The following RNF103 variants were observed in gnomAD, a reference collection of about 807,000 sequenced individuals.
RNF103 encodes ring finger protein 103.
RNF103 carries 23 observed loss-of-function variants against 66.2 expected under a neutral mutation model. The observed-to-expected ratio is 0.35, with a 90% CI of 0.25 to 0.49. The LOEUF (loss-of-function observed/expected upper bound fraction) is 0.49, where lower values mean the gene tolerates loss of function less well. Ranked by LOEUF, RNF103 falls within the 20% of genes least tolerant of loss-of-function variation. The pLI is 0.98. For missense variants in RNF103, 730 were observed against 814.7 expected (o/e 0.90, Z 1.27); for synonymous variants, 297 against 289.9 (o/e 1.02, Z -0.25).
At chr2:86,612,035 C>G in intron 3 of RNF103, 124 bp downstream of exon 3, 1 of 563,688 alleles carries the variant, frequency 1.8e-6, no homozygotes. Context: ...ACCTATGTAA[C>G]TAAGAGTGTG....
chr2:86,605,518 T>A, intron 3 of RNF103, 100 bp from the exon 4 acceptor site: 1 of 1,268,308 alleles, frequency 7.9e-7, no homozygotes, highest in Non-Finnish European at 1.1e-6. Context: ...AGCCAAATAA[T>A]TTCCAAATAA....
Position 86,623,225 on chromosome 2 carries a change from G to A in RNF103, c.-339C>T. On this transcript the variant is annotated 5_prime_UTR_variant, in exon 1 of 4. Coordinates refer to ENST00000237455, the MANE Select transcript of RNF103 (RefSeq NM_005667.4). ...AGCTCGCGGGGAAGAACAAAACGAGGGACGCTTCCCCCGGGGCGGGCACTG... is the reference window on the plus strand; with the variant it reads ...AGCTCGCGGGGAAGAACAAAACGAGAGACGCTTCCCCCGGGGCGGGCACTG... 2 of 1,013,262 alleles carry A rather than the reference G, an allele frequency of 2.0e-6. No individual in the cohort carries two copies. Among genetic ancestry groups the A allele is most frequent in the Non-Finnish European group, 2.4e-6 (2 of 849,896 alleles). The allele number at this position is 1,013,262 out of a possible 1,614,324, so 62.8% of individuals were successfully genotyped here. A position where few individuals can be genotyped will look rare whatever the true frequency, so the allele number is the denominator to read the frequency against.
Position 86,609,384 on chromosome 2 carries a change from A to ATTT in RNF103, c.482+2772_482+2774dup, listed in dbSNP as rs112431636. On this transcript the variant is annotated intron_variant, in intron 3 of 3. Transcript: ENST00000237455. ...CTTCATAAATTACTCAGCCTCAGGT[A>ATTT]TTTTTTTTTTTTTTTTTTGAGACAG... Among the ~76,000 whole-genome samples, 861 of 134,410 alleles carry ATTT rather than the reference A, an allele frequency of 6.4e-3. 28 individuals are homozygous for ATTT. Among genetic ancestry groups the ATTT allele is most frequent in the African/African-American group, 0.023 (827 of 35,594 alleles). The allele number at this position is 134,410 out of a possible 152,430, so 88.2% of individuals were successfully genotyped here. A position where few individuals can be genotyped will look rare whatever the true frequency, so the allele number is the denominator to read the frequency against.
Position 86,604,618 on chromosome 2 carries a change from C to A in RNF103, c.1283G>T (p.Gly428Val). 6.2e-7 allele frequency: 1 copy of A among 1,614,140 alleles called. No homozygotes were observed. Among genetic ancestry groups the A allele is most frequent in the Non-Finnish European group, 8.5e-7 (1 of 1,180,038 alleles). ...ALFLSTYLGH[G>V]LLIDYFEKKR... ...CTTCTCAAAGTAATCAATTAGTAAACCATGACCAAGGTATGTACTGAGAAA... is the reference window on the plus strand; with the variant it reads ...CTTCTCAAAGTAATCAATTAGTAAAACATGACCAAGGTATGTACTGAGAAA... Residue 428 changes from glycine to valine, a missense_variant, in exon 4 of 4, where the codon GGT (glycine) becomes GTT (valine). Gly to Val is a moderately radical substitution (Grantham distance 109, BLOSUM62 -3). Transcript: ENST00000237455.
At chr2:86,615,933 T>G (rs1679001531) in intron 2 of RNF103, among the ~76,000 whole-genome samples, 1 of 152,198 alleles carries the variant, frequency 6.6e-6, no homozygotes, top group African/African-American at 2.4e-5. Flanking sequence ...CAATTTCAGC[T>G]TCTTACAGTT....
At chr2:86,617,282 A>T in intron 2 of RNF103, 1 of 985,470 alleles carries the variant, frequency 1.0e-6, no homozygotes, top group Non-Finnish European at 1.2e-6. Flanking sequence ...TAGACTTAAA[A>T]CAAATGACAG....
intron 2 of RNF103, chr2:86,615,176 G>A (rs1268905335): frequency 1.2e-5 from 12 of 985,260 alleles, no homozygotes; most frequent in Non-Finnish European, 1.4e-5. Context: ...ACAAGACAAT[G>A]TTCAATGCCA....
At chr2:86,611,356 G>A (rs186248037) in intron 3 of RNF103, among the ~76,000 whole-genome samples, 198 of 152,218 alleles carry the variant, frequency 1.3e-3, no homozygotes, top group African/African-American at 4.6e-3. Flanking sequence ...CAAAACAAGG[G>A]TTCTAAGCAG....
intron 3 of RNF103, among the ~76,000 whole-genome samples, chr2:86,606,859 T>G (rs956581153): frequency 1.3e-5 from 2 of 151,908 alleles, no homozygotes; most frequent in Non-Finnish European, 2.9e-5. Flanking sequence ...TTCATTGCAG[T>G]CTTGAACTCC....
Position 86,604,891 on chromosome 2 carries a change from A to G in RNF103, c.1010T>C (p.Met337Thr), listed in dbSNP as rs1297103903. ...TGTAATAAATAAGTCCATCCAAGCC[A>G]TAAGATTAACTAGAACCAAGCTCAA... Reference protein sequence around the residue: ...FVLSLVLVNLMAWMDLFITQG... With the variant: ...FVLSLVLVNLTAWMDLFITQG... Residue 337 changes from methionine (M) to threonine (T), a missense_variant, in exon 4 of 4, where the codon ATG becomes ACG. Transcript: ENST00000237455. 9 of 1,614,166 alleles carry G rather than the reference A, an allele frequency of 5.6e-6. No homozygotes were observed. The highest frequency in any genetic ancestry group is 2.2e-5 in the East Asian group (1 of 44,876).
rs1413185884 is a variant in RNF103, at chr2:86,622,940, G to A, written c.-54C>T. The A allele has an allele frequency of 1.3e-6, 2 of 1,519,234 alleles. No homozygotes were observed. Among genetic ancestry groups the A allele is most frequent in the Non-Finnish European group, 1.8e-6 (2 of 1,131,234 alleles). The allele number at this position is 1,519,234 out of a possible 1,614,324, so 94.1% of individuals were successfully genotyped here. A position where few individuals can be genotyped will look rare whatever the true frequency, so the allele number is the denominator to read the frequency against. ...GAGCTCGGAATACGGGAGAGAGAAG[G>A]GTCGAGGGCGGGGGCCGCGGCTCGG... is the stretch of plus-strand genomic sequence containing the variant. On this transcript the variant is annotated 5_prime_UTR_variant, in exon 1 of 4. Coordinates refer to ENST00000237455, the MANE Select transcript of RNF103 (RefSeq NM_005667.4).
chr2:86,603,866 A>G lies in RNF103; in HGVS notation c.2035T>C (p.Leu679=), dbSNP rs1300794353. The part of the protein sequence containing the change: ...KKQPYAQHQP[L]SNDVPS Reference sequence around the variant, plus strand: ...GGTTAAGATGGGACATCATTTGACAAGGGCTGGTGTTGTGCATATGGCTGC... The same window carrying G: ...GGTTAAGATGGGACATCATTTGACAGGGGCTGGTGTTGTGCATATGGCTGC... Residue 679 remains leucine (L), a synonymous_variant, in exon 4 of 4, where the codon TTG becomes CTG. Transcript: ENST00000237455. 1.2e-6 allele frequency: 2 copies of G among 1,612,126 alleles called. No individual in the cohort carries two copies. The highest frequency in any genetic ancestry group is 2.7e-5 in the African/African-American group (2 of 74,782).
At position 86,605,149 on chromosome 2, in the gene RNF103, G is replaced by A; in HGVS notation, c.752C>T (p.Ser251Phe). The A allele has an allele frequency of 6.2e-7, 1 of 1,613,766 alleles. No homozygotes were observed. ...ANLDQPPAFF[S>F]ALSIKFTGRV... ...TCCAGTAAACTTTATACTTAGTGCA[G>A]AGAAGAAAGCTGGGGGCTGGTCAAG... Residue 251 changes from serine to phenylalanine, a missense_variant, in exon 4 of 4, where the codon TCT becomes TTT. This residue lies in a region of RNF103 where 327 missense variants were observed against 369.8 expected (regional missense o/e 0.88). Coordinates refer to ENST00000237455, the MANE Select transcript of RNF103 (RefSeq NM_005667.4).
In RNF103 at chr2:86,604,468, A is replaced by G; in HGVS notation, c.1433T>C (p.Val478Ala). ...HPIASFQNFP[V>A]ESDWDEDPDL... ...AGGGTCTTCGTCCCAATCAGATTCTACAGGAAAGTTCTGAAAAGAAGCAAT... is the reference window on the plus strand; with the variant it reads ...AGGGTCTTCGTCCCAATCAGATTCTGCAGGAAAGTTCTGAAAAGAAGCAAT... The change falls in exon 4 of 4, where the codon GTA (valine) becomes GCA (alanine). Residue 478 changes from valine to alanine, a missense_variant. Transcript: ENST00000237455. 6.2e-7 allele frequency: 1 copy of G among 1,614,262 alleles called. No individual in the cohort carries two copies. Among genetic ancestry groups the G allele is most frequent in the East Asian group, 2.2e-5 (1 of 44,884 alleles).
chr2:86,606,482 G>A (rs1678556404), intron 3 of RNF103, among the ~76,000 whole-genome samples: 1 of 151,974 alleles, frequency 6.6e-6, no homozygotes, highest in African/African-American at 2.4e-5. Context: ...GGCCAACATG[G>A]TGAAACCCCA....
chr2:86,618,257 CTTAT>C, intron 2 of RNF103: 1 of 215,624 alleles, frequency 4.6e-6, no homozygotes, highest in Non-Finnish European at 9.8e-6. Context: ...CCTTAATCTG[CTTAT>C]TTTTCTTCTT....
Position 86,603,413 on chromosome 2 carries a change from AATTT to A in RNF103, c.*426_*429del, listed in dbSNP as rs1247777207. Reference sequence around the variant, plus strand: ...ATCTGTAATCTTCTGGTTTTAAAATAATTTATTTCATAGGTCTGTTTTAATTTCA... The same window carrying A: ...ATCTGTAATCTTCTGGTTTTAAAATAATTTCATAGGTCTGTTTTAATTTCA... On this transcript the variant is annotated 3_prime_UTR_variant, in exon 4 of 4. Transcript: ENST00000237455. 6.4e-6 allele frequency: 1 copy of A among 156,834 alleles called. No individual in the cohort carries two copies. The highest frequency in any genetic ancestry group is 1.4e-5 in the Non-Finnish European group (1 of 71,146). The allele number at this position is 156,834 out of a possible 1,614,324, so 9.7% of individuals were successfully genotyped here.
At chr2:86,614,783 G>C in intron 2 of RNF103, 1 of 978,996 alleles carries the variant, frequency 1.0e-6, no homozygotes, top group Non-Finnish European at 1.2e-6. Context: ...AGATTCCTTA[G>C]GAAGATTAAG....
intron 2 of RNF103, among the ~76,000 whole-genome samples, chr2:86,615,574 A>G (rs544685371): frequency 4.0e-5 from 6 of 150,752 alleles, no homozygotes; most frequent in Admixed American, 2.0e-4. Context: ...CATACCAGTA[A>G]GAGTCCCCAA....
Sources: allele counts gnomAD v4.1 joint callset (sites outside exome capture counted in the v4.1 genomes callset), GRCh38; gene constraint gnomAD v4.1.1; regional missense constraint gnomAD v4.1.1; transcripts MANE v1.5; gene names NCBI Gene and HGNC (gene_info 2026-07-23, HGNC 2026-07-21).